The following PIK3C2G variants were observed in gnomAD, a reference collection of about 807,000 sequenced individuals.
PIK3C2G encodes phosphatidylinositol 3-kinase C2 domain-containing subunit gamma.
PIK3C2G carries 168 observed loss-of-function variants against 181.1 expected under a neutral mutation model. The ratio of observed to expected loss-of-function variants is 0.93; its 90% CI spans 0.82 to 1.05. The LOEUF (loss-of-function observed/expected upper bound fraction) is 1.05. Among genes scored for constraint, PIK3C2G ranks in the 50% least tolerant of loss-of-function variants. PIK3C2G has a pLI of 0.00. For missense variants in PIK3C2G, 1,869 were observed against 1,732.8 expected (o/e 1.08, Z -1.40); for synonymous variants, 573 against 592.2 (o/e 0.97, Z 0.47).
At chr12:18,465,254 CTTAGTGACAT>C (rs1457999849) in intron 18 of PIK3C2G, among the ~76,000 whole-genome samples, 1 of 151,888 alleles carries the variant, frequency 6.6e-6, no homozygotes, top group Non-Finnish European at 1.5e-5. Context: ...GTGTTTCCAT[CTTAGTGACAT>C]TTAGTACAAC....
At chr12:18,325,200 A>ACGGC in intron 8 of PIK3C2G, 102 bp downstream of exon 8, 9 of 598,062 alleles carry the variant, frequency 1.5e-5, no homozygotes, top group South Asian at 6.6e-5. Context: ...AAAAATGAAT[A>ACGGC]AAACAGAGGA....
At chr12:18,710,063 C>A in the PIK3C2G span, among the ~76,000 whole-genome samples, 1 of 151,360 alleles carries the variant, frequency 6.6e-6, no homozygotes, top group Non-Finnish European at 1.5e-5. Flanking sequence ...TGTGTGGAAT[C>A]GTTGGGCTTT....
chr12:18,309,331 A>G (rs1950547792), intron 5 of PIK3C2G, among the ~76,000 whole-genome samples: 1 of 151,782 alleles, frequency 6.6e-6, no homozygotes, highest in Non-Finnish European at 1.5e-5. Flanking sequence ...TTCATTTTTT[A>G]ATATTAGCAT....
At chr12:18,248,044 C>G (rs10770332) in exon 1 of PIK3C2G, 2 of 152,022 alleles carry the variant, frequency 1.3e-5, no homozygotes, top group South Asian at 2.1e-4. Context: ...AAACTGCCAA[C>G]GGTACCTGAG....
At chr12:18,658,420 G>T in the PIK3C2G span, among the ~76,000 whole-genome samples, 2 of 151,992 alleles carry the variant, frequency 1.3e-5, no homozygotes, top group Non-Finnish European at 1.5e-5. Flanking sequence ...AAAAGATAAA[G>T]AATCGTAAAA....
chr12:18,618,741 A>T (rs1039300863), intron 31 of PIK3C2G, among the ~76,000 whole-genome samples: 21 of 152,190 alleles, frequency 1.4e-4, no homozygotes, highest in African/African-American at 4.8e-4. Flanking sequence ...ATGAAATGTT[A>T]GAAATTATTG....
At chr12:18,341,789 A>G (rs1939167770) in intron 9 of PIK3C2G, among the ~76,000 whole-genome samples, 1 of 152,122 alleles carries the variant, frequency 6.6e-6, no homozygotes, top group South Asian at 2.1e-4. Context: ...TGACAAATAC[A>G]GGTCTTCTGC....
chr12:18,658,466 A>G, the PIK3C2G span, among the ~76,000 whole-genome samples: 2 of 152,142 alleles, frequency 1.3e-5, no homozygotes, highest in East Asian at 3.9e-4. Flanking sequence ...TGCACAAGAA[A>G]TCCTCAATAA....
chr12:18,510,264 C>A (rs1008556876), intron 24 of PIK3C2G, among the ~76,000 whole-genome samples: 2 of 152,176 alleles, frequency 1.3e-5, no homozygotes, highest in African/African-American at 4.8e-5. Context: ...CAGTGCCCGA[C>A]CTATCTTCAT....
At chr12:18,647,311 AAGG>A (rs1403316154) in intron 32 of PIK3C2G, among the ~76,000 whole-genome samples, 1 of 152,032 alleles carries the variant, frequency 6.6e-6, no homozygotes, top group Non-Finnish European at 1.5e-5. Context: ...AAGAAACAAG[AAGG>A]AGACCAAGGG....
chr12:18,725,614 A>C, the PIK3C2G span, among the ~76,000 whole-genome samples: 1 of 152,222 alleles, frequency 6.6e-6, no homozygotes, highest in South Asian at 2.1e-4. Context: ...TCAAGACAAA[A>C]CCCCAACTGT....
chr12:18,548,837 T>C (rs1454217328), intron 26 of PIK3C2G, among the ~76,000 whole-genome samples: 1 of 152,054 alleles, frequency 6.6e-6, no homozygotes, highest in Non-Finnish European at 1.5e-5. Context: ...TGCCATCTCC[T>C]GTCTCTCACT....
chr12:18,525,644 T>C (rs1010311450), intron 24 of PIK3C2G, among the ~76,000 whole-genome samples: 2 of 152,172 alleles, frequency 1.3e-5, no homozygotes, highest in African/African-American at 4.8e-5. Flanking sequence ...TTTAATGACA[T>C]CACATTGATA....
chr12:18,289,047 T>C (rs1490396598), intron 3 of PIK3C2G, among the ~76,000 whole-genome samples: 1 of 152,220 alleles, frequency 6.6e-6, no homozygotes, highest in Admixed American at 6.5e-5. Flanking sequence ...TTTTCAATAA[T>C]TTGTTTGTTG....
chr12:18,639,919 G>A (rs954549860), intron 31 of PIK3C2G, among the ~76,000 whole-genome samples: 2 of 151,524 alleles, frequency 1.3e-5, no homozygotes, highest in Non-Finnish European at 1.5e-5. Flanking sequence ...AATCTTGTAG[G>A]TATATTAAAG....
intron 32 of PIK3C2G, 66 bp downstream of exon 32, chr12:18,640,620 C>G: frequency 1.4e-6 from 2 of 1,414,072 alleles, no homozygotes; most frequent in Non-Finnish European, 1.9e-6. Flanking sequence ...GCTTAACAAC[C>G]AAATATGGAA....
At chr12:18,280,114 T>C (rs1327882537) in intron 1 of PIK3C2G, among the ~76,000 whole-genome samples, 1 of 152,054 alleles carries the variant, frequency 6.6e-6, no homozygotes, top group East Asian at 1.9e-4. Context: ...AATAAATCCA[T>C]CAAAGTGAAG....
Position 18,321,247 on chromosome 12 carries a change from C to T in PIK3C2G, c.1208+215C>T, listed in dbSNP as rs11610595. On this transcript the variant is annotated intron_variant, in intron 7 of 32. Coordinates refer to ENST00000538779, the MANE Select transcript of PIK3C2G (RefSeq NM_001288772.2). ...GCTAACACTTTCCAGAACATTCTAA[C>T]ATTCATTTAAAAAAATCTCTGCTGC... 7.5e-3 allele frequency among the ~76,000 whole-genome samples: 1,140 copies of T among 152,316 alleles called. 6 individuals are homozygous for T. Among genetic ancestry groups the T allele is most frequent in the Non-Finnish European group, 0.013 (884 of 68,032 alleles).
At chr12:18,260,318 G>GA (rs141504204), upstream of PIK3C2G, among the ~76,000 whole-genome samples, 153 of 152,068 alleles carry the variant, frequency 1.0e-3, 2 homozygotes, top group East Asian at 0.025. Flanking sequence ...AATGTATTTG[G>GA]AAAAAATCAC....
Sources: allele counts gnomAD v4.1 joint callset (sites outside exome capture counted in the v4.1 genomes callset), GRCh38; gene constraint gnomAD v4.1.1; transcripts MANE v1.5; gene names NCBI Gene and HGNC (gene_info 2026-07-23, HGNC 2026-07-21).